DNTT: variants seen among roughly 807,000 people sequenced by gnomAD.
DNTT encodes the protein nucleosidetriphosphate:DNA deoxynucleotidylexotransferase.
DNTT carries 47 observed loss-of-function variants against 60.9 expected under a neutral mutation model. The observed-to-expected ratio is 0.77, with a 90% CI of 0.61 to 0.98. The LOEUF is 0.98. DNTT is among the 50% of genes least tolerant of loss of function. The pLI is 0.00. For synonymous variants in DNTT, 224 were observed against 221.2 expected (o/e 1.01, Z -0.11); for missense variants, 665 against 627.5 (o/e 1.06, Z -0.64).
intron 1 of DNTT, among the ~76,000 whole-genome samples, chr10:96,309,871 G>A (rs1194937922): frequency 6.6e-6 from 1 of 152,178 alleles, no homozygotes; most frequent in East Asian, 1.9e-4. Flanking sequence ...CTCTCTTAAA[G>A]CAGTTACTTT....
chr10:96,307,218 G>T (rs921597327), intron 1 of DNTT, among the ~76,000 whole-genome samples: 3 of 152,140 alleles, frequency 2.0e-5, no homozygotes, highest in Admixed American at 6.5e-5. Flanking sequence ...TATGAACAAG[G>T]TCAAATGATA....
At chr10:96,306,081 C>CA (rs1328931090) in intron 1 of DNTT, among the ~76,000 whole-genome samples, 3 of 147,860 alleles carry the variant, frequency 2.0e-5, no homozygotes, top group African/African-American at 7.6e-5. Context: ...GTAAAGAAGC[C>CA]AAAAAAATAG....
In DNTT at chr10:96,327,556, A is replaced by C; in HGVS notation, c.963A>C (p.Ala321=). The part of the protein sequence containing the change: ...VSVLVKEAVW[A]FLPDAFVTMT... ...TGCTGGTTAAAGAGGCTGTCTGGGC[A>C]TTTCTTCCGGATGCTTTCGTCACCA... Residue 321 remains alanine, a synonymous_variant, in exon 7 of 11, where the codon GCA becomes GCC. Coordinates refer to ENST00000371174, the MANE Select transcript of DNTT (RefSeq NM_004088.4). The C allele has an allele frequency of 6.2e-7, 1 of 1,614,012 alleles. No individual in the cohort carries two copies. Among genetic ancestry groups the C allele is most frequent in the East Asian group, 2.2e-5 (1 of 44,882 alleles).
At chr10:96,327,640 C>A in intron 7 of DNTT, 40 bp downstream of exon 7, 3 of 1,583,566 alleles carry the variant, frequency 1.9e-6, no homozygotes, top group Non-Finnish European at 2.6e-6. Context: ...TGCCCGAATA[C>A]TTCAGTGGCT....
At chr10:96,318,284 T>G in intron 1 of DNTT, 68 bp from the exon 2 acceptor site, 2 of 1,537,890 alleles carry the variant, frequency 1.3e-6, no homozygotes, top group Non-Finnish European at 1.8e-6. Context: ...TCAGAAACCT[T>G]GAGGAAAGAG....
rs970718474 is a variant in DNTT, at chr10:96,324,279, T to C, written c.764T>C (p.Val255Ala). 1 of 1,613,446 alleles carries C rather than the reference T, an allele frequency of 6.2e-7. No individual in the cohort carries two copies. The highest frequency in any genetic ancestry group is 8.5e-7 in the Non-Finnish European group (1 of 1,179,654). The change falls in exon 6 of 11, where the codon GTA (valine) becomes GCA (alanine). Residue 255 changes from valine (V) to alanine (A), a missense_variant. By Grantham distance (64) the Val-to-Ala change is moderately conservative (BLOSUM62 0). Transcript: ENST00000371174. ...RYQSFKLFTS[V>A]FGVGLKTSEK... ...CCTCCATTTTAGCTCTTTACTTCTG[T>C]ATTTGGAGTGGGGCTGAAGACTTCT...
At chr10:96,332,233 G>C (rs1845014839) in intron 8 of DNTT, 118 bp from the exon 9 acceptor site, 2 of 1,453,418 alleles carry the variant, frequency 1.4e-6, no homozygotes, top group Admixed American at 4.5e-5. Context: ...TTTAATGCAA[G>C]GCCAAACACA....
chr10:96,309,959 G>A lies in DNTT; in HGVS notation c.203+5259G>A, dbSNP rs1844690311. ...TAACCATCCAGAACTGTCTTCCAAG[G>A]ATCTGAAAAAAGCAACCCTTCAAAG... is the stretch of plus-strand genomic sequence containing the variant. On this transcript the variant is annotated intron_variant, in intron 1 of 10. Coordinates refer to ENST00000371174, the MANE Select transcript of DNTT (RefSeq NM_004088.4). 2.0e-5 allele frequency among the ~76,000 whole-genome samples: 3 copies of A among 152,266 alleles called. 1 individual carries two copies. The highest frequency in any genetic ancestry group is 3.9e-4 in the East Asian group (2 of 5,176).
intron 10 of DNTT, 91 bp downstream of exon 10, chr10:96,336,065 G>A (rs528749795): frequency 1.6e-6 from 2 of 1,275,126 alleles, no homozygotes; most frequent in Admixed American, 1.7e-5. Flanking sequence ...TAGTATCCAG[G>A]TATGGTTTCC....
At chr10:96,329,123 A>C (rs1844974833) in intron 8 of DNTT, among the ~76,000 whole-genome samples, 1 of 152,270 alleles carries the variant, frequency 6.6e-6, no homozygotes, top group Non-Finnish European at 1.5e-5. Flanking sequence ...ACCCAATCAA[A>C]GTGAAAAGTA....
chr10:96,325,925 G>A (rs1445387991), intron 6 of DNTT, among the ~76,000 whole-genome samples: 3 of 152,180 alleles, frequency 2.0e-5, no homozygotes, highest in Non-Finnish European at 4.4e-5. Flanking sequence ...CACATGCCAC[G>A]TTTGCCTTGA....
At chr10:96,324,241 T>G in intron 5 of DNTT, 25 bp from the exon 6 acceptor site, 1 of 1,607,590 alleles carries the variant, frequency 6.2e-7, no homozygotes, top group Non-Finnish European at 8.5e-7. Flanking sequence ...TAGAGACTGA[T>G]GGCATGCCTT....
intron 2 of DNTT, 63 bp from the exon 3 acceptor site, chr10:96,319,199 T>G: frequency 6.5e-7 from 1 of 1,539,048 alleles, no homozygotes; most frequent in East Asian, 2.3e-5. Flanking sequence ...CCAAATTTTT[T>G]CCGTACATAT....
chr10:96,333,831 G>A (rs1845035440), intron 9 of DNTT, among the ~76,000 whole-genome samples: 1 of 152,208 alleles, frequency 6.6e-6, no homozygotes, highest in South Asian at 2.1e-4. Context: ...GGGGGATGAG[G>A]ACAGAAAATG....
intron 6 of DNTT, among the ~76,000 whole-genome samples, 180 bp from the exon 7 acceptor site, chr10:96,327,288 C>T (rs930527660): frequency 2.6e-5 from 4 of 152,072 alleles, no homozygotes; most frequent in African/African-American, 9.7e-5. Context: ...CCACTGTTAC[C>T]CTGAAAAATT....
intron 1 of DNTT, among the ~76,000 whole-genome samples, chr10:96,316,611 A>G (rs898056842): frequency 4.6e-5 from 7 of 152,164 alleles, no homozygotes; most frequent in Non-Finnish European, 1.0e-4. Context: ...AACCCAGGCC[A>G]TTCTCCTCCC....
intron 7 of DNTT, among the ~76,000 whole-genome samples, chr10:96,327,888 A>G (rs559229142): frequency 4.6e-5 from 7 of 152,188 alleles, no homozygotes; most frequent in South Asian, 2.1e-4. Context: ...TTAACACTCA[A>G]TTTAGATGGC....
intron 9 of DNTT, among the ~76,000 whole-genome samples, chr10:96,333,030 C>T (rs1042773697): frequency 6.6e-6 from 1 of 152,090 alleles, no homozygotes; most frequent in Non-Finnish European, 1.5e-5. Context: ...AGTGGAGAGG[C>T]AACTCACAGA....
At chr10:96,322,484 T>C (rs1844892150) in intron 4 of DNTT, among the ~76,000 whole-genome samples, 173 bp from the exon 5 acceptor site, 1 of 152,214 alleles carries the variant, frequency 6.6e-6, no homozygotes, top group South Asian at 2.1e-4. Flanking sequence ...AGCTAGCATT[T>C]TCAAGATTGT....
Sources: gnomAD v4.1 joint callset for allele counts (sites outside exome capture counted in the v4.1 genomes callset) on GRCh38, gnomAD v4.1.1 for gene constraint, MANE v1.5 for transcripts, NCBI Gene and HGNC (gene_info 2026-07-23, HGNC 2026-07-21) for gene names.